CAST: variants seen among roughly 807,000 people sequenced by gnomAD.
The protein encoded by CAST is calpastatin, also known as MIR583 host.
Under a neutral mutation model 119.6 loss-of-function variants are expected in CAST, and 76 were observed. The ratio of observed to expected loss-of-function variants is 0.64; its 90% CI spans 0.53 to 0.77. The LOEUF is 0.77. CAST is among the 30% of genes least tolerant of loss of function. CAST has a pLI of 0.00. For missense variants in CAST, 953 were observed against 946.5 expected (o/e 1.01, Z -0.09); for synonymous variants, 319 against 331.6 (o/e 0.96, Z 0.41).
At chr5:96,444,235 T>A in the CAST span, among the ~76,000 whole-genome samples, 1 of 152,158 alleles carries the variant, frequency 6.6e-6, no homozygotes, top group South Asian at 2.1e-4. Flanking sequence ...TCATCAAAAA[T>A]AGGGGCATTG....
At chr5:96,594,003 C>G (rs1747010465) in intron 1 of CAST, among the ~76,000 whole-genome samples, 1 of 152,232 alleles carries the variant, frequency 6.6e-6, no homozygotes, top group African/African-American at 2.4e-5. Context: ...TGCCAAAGAT[C>G]ACAGAATTCC....
the CAST span, among the ~76,000 whole-genome samples, chr5:96,262,529 T>G: frequency 3.9e-5 from 6 of 151,968 alleles, no homozygotes; most frequent in African/African-American, 1.5e-4. Context: ...TTTTTGTTGT[T>G]TTGTTTTTGT....
the CAST span, among the ~76,000 whole-genome samples, chr5:96,152,433 T>TG: frequency 6.6e-6 from 1 of 152,164 alleles, no homozygotes; most frequent in Non-Finnish European, 1.5e-5. Flanking sequence ...TACCAGGGAA[T>TG]GGAGCATCTC....
At chr5:96,584,687 C>G (rs887499380) in intron 1 of CAST, 2 of 125,172 alleles carry the variant, frequency 1.6e-5, no homozygotes, top group African/African-American at 5.4e-5. Context: ...AGGGAAGAAG[C>G]TGGGGTCATT....
chr5:96,614,294 C>T (rs532541137), intron 1 of CAST, among the ~76,000 whole-genome samples: 1 of 152,200 alleles, frequency 6.6e-6, no homozygotes, highest in South Asian at 2.1e-4. Flanking sequence ...TAGGTTATTG[C>T]GGTGAAGTGA....
the CAST span, among the ~76,000 whole-genome samples, chr5:96,168,256 T>C: frequency 6.6e-6 from 1 of 152,184 alleles, no homozygotes; most frequent in African/African-American, 2.4e-5. Context: ...GTAAGCATTG[T>C]CCTGAGCAAT....
At chr5:96,121,592 G>C in the CAST span, among the ~76,000 whole-genome samples, 3 of 152,040 alleles carry the variant, frequency 2.0e-5, no homozygotes, top group Non-Finnish European at 4.4e-5. Flanking sequence ...CTCTGAAGTT[G>C]AATCAAGCCA....
chr5:96,102,115 C>T, the CAST span, among the ~76,000 whole-genome samples: 1 of 152,236 alleles, frequency 6.6e-6, no homozygotes, highest in Non-Finnish European at 1.5e-5. Context: ...CTGCCCTCCT[C>T]CAGGGAGGGC....
rs373810961 is a variant in CAST, at chr5:96,534,755, A to G, written c.60+4875A>G. On this transcript the variant is annotated intron_variant, in intron 1 of 11. Transcript: ENST00000505143. Reference sequence around the variant, plus strand: ...AGAGAGAGAGAGAAAGAAAGAAAGAAAGAAAGAAAGAAAGAAAGAAAGAAA... The same window carrying G: ...AGAGAGAGAGAGAAAGAAAGAAAGAGAGAAAGAAAGAAAGAAAGAAAGAAA... Among the ~76,000 whole-genome samples the G allele has an allele frequency of 7.7e-3, 301 of 39,066 alleles. 7 individuals are homozygous for G. The highest frequency in any genetic ancestry group is 0.045 in the Middle Eastern group (4 of 88). 25.6% of individuals were successfully genotyped at this position (39,066 alleles called of 152,430 possible).
chr5:96,092,582 A>T, the CAST span, among the ~76,000 whole-genome samples: 1 of 152,186 alleles, frequency 6.6e-6, no homozygotes, highest in African/African-American at 2.4e-5. Flanking sequence ...ATACATGATA[A>T]CTTTCAAAGA....
Position 96,757,703 on chromosome 5 carries a change from T to TC in CAST, c.1833+51dup, listed in dbSNP as rs753861375. 2.3e-4 allele frequency: 289 copies of TC among 1,261,606 alleles called. No homozygotes were observed. In the Admixed American group the frequency reaches 3.6e-3, roughly 16 times the overall value. The allele number at this position is 1,261,606 out of a possible 1,614,324, so 78.2% of individuals were successfully genotyped here. On this transcript the variant is annotated intron_variant, in intron 24 of 31. Transcript: ENST00000675179. ...ATTTCTTTAGTTTTTTTTTTTTTTT[T>TC]CCTTTGAGATGGAGTCTTGCTCTGT...
the CAST span, among the ~76,000 whole-genome samples, chr5:96,064,865 C>T: frequency 6.6e-6 from 1 of 152,208 alleles, no homozygotes; most frequent in Middle Eastern, 3.4e-3. Context: ...TATATTATTT[C>T]TATGCTATGT....
the CAST span, chr5:96,425,797 A>G: frequency 3.1e-6 from 4 of 1,307,044 alleles, no homozygotes; most frequent in Non-Finnish European, 4.4e-6. Context: ...TCCCACCCAC[A>G]TAGTCCTTCT....
the CAST span, among the ~76,000 whole-genome samples, chr5:96,126,357 C>T: frequency 2.6e-5 from 4 of 151,952 alleles, no homozygotes; most frequent in Non-Finnish European, 5.9e-5. Flanking sequence ...TTGTTCCATT[C>T]GTTGTCCTCT....
chr5:96,431,200 T>C, the CAST span, among the ~76,000 whole-genome samples: 1 of 152,124 alleles, frequency 6.6e-6, no homozygotes, highest in Non-Finnish European at 1.5e-5. Context: ...GTCTCAAAAA[T>C]TCCTAATAAT....
At chr5:96,548,379 T>C (rs1746056002) in intron 1 of CAST, among the ~76,000 whole-genome samples, 1 of 152,190 alleles carries the variant, frequency 6.6e-6, no homozygotes, top group African/African-American at 2.4e-5. Context: ...TTTAATATTA[T>C]ATAGATCAAC....
the CAST span, among the ~76,000 whole-genome samples, chr5:96,321,205 G>A: frequency 5.3e-5 from 8 of 152,254 alleles, no homozygotes; most frequent in Middle Eastern, 3.4e-3. Context: ...TGTCCTGTGC[G>A]TTATAGGATG....
chr5:96,389,333 T>C, the CAST span, among the ~76,000 whole-genome samples: 10 of 152,234 alleles, frequency 6.6e-5, no homozygotes, highest in South Asian at 2.1e-4. Flanking sequence ...CTTTTCACTA[T>C]GTATTTATAT....
At chr5:96,005,860 G>A in the CAST span, among the ~76,000 whole-genome samples, 2 of 152,062 alleles carry the variant, frequency 1.3e-5, no homozygotes, top group African/African-American at 4.8e-5. Context: ...ATACTCTAGA[G>A]TATATTAAGT....
Sources: gnomAD v4.1 joint callset for allele counts (sites outside exome capture counted in the v4.1 genomes callset) on GRCh38, gnomAD v4.1.1 for gene constraint, MANE v1.5 for transcripts, NCBI Gene and HGNC (gene_info 2026-07-23, HGNC 2026-07-21) for gene names.